FZD3: variants seen among roughly 807,000 people sequenced by gnomAD.
FZD3 encodes the protein frizzled class receptor 3.
Under a neutral mutation model 60.7 loss-of-function variants are expected in FZD3, and 30 were observed. The ratio of observed to expected loss-of-function variants is 0.49; its 90% CI spans 0.37 to 0.67. The LOEUF (loss-of-function observed/expected upper bound fraction) is 0.67, where lower values mean the gene tolerates loss of function less well. Among genes scored for constraint, FZD3 ranks in the 30% least tolerant of loss-of-function variants. The probability of loss-of-function intolerance (pLI) is 0.00; values close to 1 mark genes in which losing one functional copy is unlikely to be tolerated. For missense variants in FZD3, 605 were observed against 838.7 expected (o/e 0.72, Z 3.44); for synonymous variants, 246 against 275.2 (o/e 0.89, Z 1.05).
At chr8:28,544,394 A>G (rs1267347097) in intron 5 of FZD3, among the ~76,000 whole-genome samples, 1 of 152,118 alleles carries the variant, frequency 6.6e-6, no homozygotes, top group African/African-American at 2.4e-5. Context: ...TTTTCTATCT[A>G]GTTGATCATT....
rs1421063322 is a variant in FZD3 at position 28,569,088 on chromosome 8, TTTATTA to T, written c.*6083_*6088del. ...ATATTCCTGGAGTAGGATGGATTAC[TTTATTA>T]TTATTGTAGCTTTAAGGTTTTTTGT... On this transcript the variant is annotated 3_prime_UTR_variant, in exon 8 of 8. Coordinates refer to ENST00000240093, the MANE Select transcript of FZD3 (RefSeq NM_017412.4). 6.6e-6 allele frequency: 1 copy of T among 151,954 alleles called. No individual in the cohort carries two copies. The highest frequency in any genetic ancestry group is 2.4e-5 in the African/African-American group (1 of 41,382). The allele number at this position is 151,954 out of a possible 1,614,324, so 9.4% of individuals were successfully genotyped here.
chr8:28,547,524 G>A lies in FZD3; in HGVS notation c.1405-4079G>A, dbSNP rs988126203. On this transcript the variant is annotated intron_variant, in intron 5 of 7. Transcript: ENST00000240093. ...CCATCACCAATATATGAGAGTATTC[G>A]TCCACACATTTGCTAATGCAATATA... Among the ~76,000 whole-genome samples the A allele has an allele frequency of 5.9e-5, 9 of 152,070 alleles. No homozygotes were observed. The South Asian group carries it at 6.2e-4, about 11-fold the overall frequency.
chr8:28,562,518 C>T (rs1805631170), intron 7 of FZD3, among the ~76,000 whole-genome samples: 2 of 152,170 alleles, frequency 1.3e-5, no homozygotes, highest in Admixed American at 1.3e-4. Flanking sequence ...GTATCCATAT[C>T]GAGTGCAGCT....
At chr8:28,528,238 A>T in intron 5 of FZD3, 74 bp downstream of exon 5, 1 of 1,163,794 alleles carries the variant, frequency 8.6e-7, no homozygotes, top group Non-Finnish European at 1.2e-6. Context: ...ATGAGTTAAT[A>T]TCAGCTGTTT....
Position 28,519,144 on chromosome 8 carries a change from T to C in FZD3, c.190-1494T>C, listed in dbSNP as rs528162815. On this transcript the variant is annotated intron_variant, in intron 3 of 7. Transcript: ENST00000240093. ...GTATAGGAGGCTCTGGAAAATAATATACATCAGTGCAGAAACAAATTGATT... is the reference window on the plus strand; with the variant it reads ...GTATAGGAGGCTCTGGAAAATAATACACATCAGTGCAGAAACAAATTGATT... Among the ~76,000 whole-genome samples the C allele has an allele frequency of 2.1e-4, 32 of 152,326 alleles. No individual in the cohort carries two copies. In the South Asian group the frequency reaches 6.4e-3, roughly 31 times the overall value.
At chr8:28,530,109 G>C (rs1332941226) in intron 5 of FZD3, among the ~76,000 whole-genome samples, 11 of 136,750 alleles carry the variant, frequency 8.0e-5, no homozygotes, top group African/African-American at 3.0e-4. Context: ...GTGTGTGTGT[G>C]TGTGTGTGTG....
At chr8:28,545,632 A>C (rs1805276599) in intron 5 of FZD3, among the ~76,000 whole-genome samples, 1 of 152,210 alleles carries the variant, frequency 6.6e-6, no homozygotes, top group African/African-American at 2.4e-5. Flanking sequence ...CCCAGCCATC[A>C]TCTGACTGCA....
chr8:28,530,667 C>G (rs964886570), intron 5 of FZD3: 1 of 152,132 alleles, frequency 6.6e-6, no homozygotes, highest in African/African-American at 2.4e-5. Flanking sequence ...ATAGATTTAG[C>G]TGAAACTTCC....
At chr8:28,546,176 T>A (rs1322144009) in intron 5 of FZD3, among the ~76,000 whole-genome samples, 1 of 152,240 alleles carries the variant, frequency 6.6e-6, no homozygotes, top group Non-Finnish European at 1.5e-5. Flanking sequence ...ATATCCCTGT[T>A]GTCAAGTGAC....
At position 28,566,187 on chromosome 8, in the gene FZD3, ATG is replaced by A. The variant is rs577156399; in HGVS notation, c.*3179_*3180del. ...AAGAAATTTGAAAGATCTATAACCT[ATG>A]TGAAATGAAGTCTCTGCTTTACCAG... On this transcript the variant is annotated 3_prime_UTR_variant, in exon 8 of 8. Transcript: ENST00000240093. 96 of 152,312 alleles carry A rather than the reference ATG, an allele frequency of 6.3e-4. No homozygotes were observed. The highest frequency in any genetic ancestry group is 3.4e-3 in the Middle Eastern group (1 of 294). 9.4% of individuals were successfully genotyped at this position (152,312 alleles called of 1,614,324 possible).
intron 1 of FZD3, among the ~76,000 whole-genome samples, chr8:28,495,557 T>C (rs1174478926): frequency 6.6e-6 from 1 of 152,214 alleles, no homozygotes; most frequent in Non-Finnish European, 1.5e-5. Context: ...CCTTTAGTCC[T>C]TGGTGGTGTG....
At chr8:28,515,540 C>G (rs1270656819) in intron 3 of FZD3, among the ~76,000 whole-genome samples, 2 of 152,200 alleles carry the variant, frequency 1.3e-5, no homozygotes, top group Non-Finnish European at 2.9e-5. Flanking sequence ...GCGCAGTAGC[C>G]TGCTAGCACT....
rs533129422 is a variant in FZD3 at position 28,539,036 on chromosome 8, C to T, written c.1404+10872C>T. ...TACTCTCTCGTCTCTTAAAAAAATA[C>T]GGAGAAACCTAGTAAAAATAAAGAT... is the stretch of plus-strand genomic sequence containing the variant. On this transcript the variant is annotated intron_variant, in intron 5 of 7. Coordinates refer to ENST00000240093, the MANE Select transcript of FZD3 (RefSeq NM_017412.4). Among the ~76,000 whole-genome samples, 6 of 151,996 alleles carry T rather than the reference C, an allele frequency of 3.9e-5. No individual in the cohort carries two copies. The South Asian group carries it at 6.2e-4, about 16-fold the overall frequency.
In FZD3 at chr8:28,545,091, A is replaced by G. The variant is rs1250719790; in HGVS notation, c.1405-6512A>G. ...CACCTCTTAAAGGCCCCACCTCTCA[A>G]TATTCCCCCACTGAGGTTTAAGTTT... On this transcript the variant is annotated intron_variant, in intron 5 of 7. Transcript: ENST00000240093. Among the ~76,000 whole-genome samples the G allele has an allele frequency of 3.3e-5, 5 of 152,120 alleles. 1 individual carries two copies. The highest frequency in any genetic ancestry group is 2.0e-4 in the Admixed American group (3 of 15,276).
chr8:28,528,952 A>C (rs2130379890), intron 5 of FZD3, among the ~76,000 whole-genome samples: 1 of 152,240 alleles, frequency 6.6e-6, no homozygotes, highest in East Asian at 1.9e-4. Flanking sequence ...ATTTAGAAAC[A>C]GAGTCTTACT....
At chr8:28,553,083 T>C (rs539681439) in intron 6 of FZD3, among the ~76,000 whole-genome samples, 1 of 152,264 alleles carries the variant, frequency 6.6e-6, no homozygotes, top group Non-Finnish European at 1.5e-5. Context: ...CTGAAACCAC[T>C]CTCCTGAGGA....
At position 28,565,016 on chromosome 8, in the gene FZD3, A is replaced by G. The variant is rs1805682546; in HGVS notation, c.*2005A>G. ...TAAGAGGTGTGAGGACTGCTATAGTACATTCCTTGACGTGTGTTGAATTCA... is the reference window on the plus strand; with the variant it reads ...TAAGAGGTGTGAGGACTGCTATAGTGCATTCCTTGACGTGTGTTGAATTCA... On this transcript the variant is annotated 3_prime_UTR_variant, in exon 8 of 8. Coordinates refer to ENST00000240093, the MANE Select transcript of FZD3 (RefSeq NM_017412.4). The G allele has an allele frequency of 6.6e-6, 1 of 152,156 alleles. No homozygotes were observed. Among genetic ancestry groups the G allele is most frequent in the Non-Finnish European group, 1.5e-5 (1 of 68,004 alleles). The allele number at this position is 152,156 out of a possible 1,614,324, so 9.4% of individuals were successfully genotyped here.
chr8:28,520,984 T>G, intron 4 of FZD3, 150 bp downstream of exon 4: 1 of 420,086 alleles, frequency 2.4e-6, no homozygotes, highest in Non-Finnish European at 4.2e-6. Context: ...TCACAATTGT[T>G]TATTTGCTTA....
Position 28,520,801 on chromosome 8 carries a change from G to A in FZD3, c.353G>A (p.Gly118Asp). Residue 118 changes from glycine to aspartate, a missense_variant, in exon 4 of 8, where the codon GGT (glycine) becomes GAT (aspartate). Coordinates refer to ENST00000240093, the MANE Select transcript of FZD3 (RefSeq NM_017412.4). ...SECSKLMEMF[G>D]VPWPEDMECS... ...TGTTCGAAGCTCATGGAGATGTTTGGTGTTCCTTGGCCTGAAGATATGGAA... is the reference window on the plus strand; with the variant it reads ...TGTTCGAAGCTCATGGAGATGTTTGATGTTCCTTGGCCTGAAGATATGGAA... The A allele has an allele frequency of 3.1e-6, 5 of 1,609,034 alleles. No individual in the cohort carries two copies. The highest frequency in any genetic ancestry group is 4.2e-6 in the Non-Finnish European group (5 of 1,177,354).
Sources: allele counts gnomAD v4.1 joint callset (sites outside exome capture counted in the v4.1 genomes callset), GRCh38; gene constraint gnomAD v4.1.1; transcripts MANE v1.5; gene names NCBI Gene and HGNC (gene_info 2026-07-23, HGNC 2026-07-21).